MACROD2: variants seen among roughly 807,000 people sequenced by gnomAD.
MACROD2 encodes ADP-ribose glycohydrolase MACROD2.
Under a neutral mutation model 70.4 loss-of-function variants are expected in MACROD2, and 36 were observed. The observed-to-expected ratio is 0.51, with a 90% CI of 0.39 to 0.68. MACROD2 has a LOEUF of 0.68. Ranked by LOEUF, MACROD2 falls within the 30% of genes least tolerant of loss-of-function variation. MACROD2 has a pLI of 0.00. For missense variants in MACROD2, 496 were observed against 538.4 expected (o/e 0.92, Z 0.78); for synonymous variants, 172 against 178.8 (o/e 0.96, Z 0.30).
chr20:15,859,607 A>G (rs1018689166), intron 8 of MACROD2, among the ~76,000 whole-genome samples: 5 of 152,210 alleles, frequency 3.3e-5, no homozygotes, highest in African/African-American at 1.2e-4. Context: ...ATACACATAT[A>G]CATACATAAT....
chr20:14,365,426 A>G (rs985353037), intron 3 of MACROD2, among the ~76,000 whole-genome samples: 1 of 151,498 alleles, frequency 6.6e-6, no homozygotes, highest in Non-Finnish European at 1.5e-5. Flanking sequence ...ATGTTCATGT[A>G]TAATAGTGTT....
intron 3 of MACROD2, among the ~76,000 whole-genome samples, chr20:14,276,412 G>A (rs1387732152): frequency 1.4e-5 from 2 of 141,656 alleles, no homozygotes; most frequent in Admixed American, 7.3e-5. Context: ...TCACTCATAG[G>A]TGGGAATTGA....
At chr20:14,641,872 T>C (rs1394461950) in intron 4 of MACROD2, among the ~76,000 whole-genome samples, 1 of 152,180 alleles carries the variant, frequency 6.6e-6, no homozygotes, top group East Asian at 1.9e-4. Flanking sequence ...TTTGGAATGC[T>C]CAGTGGGCAC....
At chr20:14,157,731 A>T (rs1043389265) in intron 3 of MACROD2, among the ~76,000 whole-genome samples, 1 of 152,146 alleles carries the variant, frequency 6.6e-6, no homozygotes, top group Non-Finnish European at 1.5e-5. Flanking sequence ...CCTCCTCTTC[A>T]ATCCATGTTG....
intron 5 of MACROD2, among the ~76,000 whole-genome samples, chr20:15,069,217 A>G (rs1179851550): frequency 6.6e-6 from 1 of 152,236 alleles, no homozygotes; most frequent in Non-Finnish European, 1.5e-5. Context: ...AAGATGTGGC[A>G]TGGCTGCTTC....
intron 5 of MACROD2, among the ~76,000 whole-genome samples, chr20:15,199,246 C>G (rs1173633626): frequency 6.6e-6 from 1 of 151,990 alleles, no homozygotes; most frequent in Non-Finnish European, 1.5e-5. Flanking sequence ...GTCCCAGCTA[C>G]TTGGGGGACT....
At chr20:15,868,224 G>C (rs2064521066) in intron 9 of MACROD2, among the ~76,000 whole-genome samples, 1 of 152,106 alleles carries the variant, frequency 6.6e-6, no homozygotes. Context: ...AGCTGGATTT[G>C]GAACATGTAC....
chr20:14,693,837 G>A (rs1013476456), intron 5 of MACROD2, among the ~76,000 whole-genome samples: 1 of 152,006 alleles, frequency 6.6e-6, no homozygotes, highest in African/African-American at 2.4e-5. Context: ...TCACTCTGGA[G>A]AGTCTGTTAA....
intron 5 of MACROD2, among the ~76,000 whole-genome samples, chr20:14,692,722 C>A (rs1161171430): frequency 6.6e-6 from 1 of 152,162 alleles, no homozygotes; most frequent in Non-Finnish European, 1.5e-5. Context: ...TATCCCATCA[C>A]CAAACATACT....
intron 3 of MACROD2, among the ~76,000 whole-genome samples, chr20:14,096,956 G>A (rs891103024): frequency 1.3e-5 from 2 of 152,120 alleles, no homozygotes. Context: ...TTCTTTCTCT[G>A]TAATATGGTT....
chr20:15,503,857 AAAAC>A (rs1404077247), intron 8 of MACROD2, among the ~76,000 whole-genome samples: 6 of 152,178 alleles, frequency 3.9e-5, no homozygotes, highest in African/African-American at 7.2e-5. Context: ...TTTCCTTTAA[AAAAC>A]AAAAAAGAGG....
At chr20:15,841,234 C>T (rs533892695) in intron 8 of MACROD2, among the ~76,000 whole-genome samples, 18 of 152,190 alleles carry the variant, frequency 1.2e-4, no homozygotes, top group African/African-American at 4.1e-4. Context: ...AGGGCCGTGG[C>T]CAAGGAAATA....
At position 14,212,877 on chromosome 20, in the gene MACROD2, A is replaced by G. The variant is rs2081581931; in HGVS notation, c.271+127149A>G. ...GGTTTGTTCCTGGGGCTGATCCATG[A>G]CTGCAGCTGTGTGACTGCTGTTGTG... is the stretch of plus-strand genomic sequence containing the variant. On this transcript the variant is annotated intron_variant, in intron 3 of 17. Coordinates refer to ENST00000684519, the MANE Select transcript of MACROD2 (RefSeq NM_001351661.2). Among the ~76,000 whole-genome samples, 3 of 151,948 alleles carry G rather than the reference A, an allele frequency of 2.0e-5. No individual in the cohort carries two copies. The South Asian group carries it at 6.2e-4, about 32-fold the overall frequency.
At chr20:14,844,563 T>C (rs1220226938) in intron 5 of MACROD2, among the ~76,000 whole-genome samples, 1 of 151,942 alleles carries the variant, frequency 6.6e-6, no homozygotes, top group Non-Finnish European at 1.5e-5. Flanking sequence ...AGGGCATCTC[T>C]TCATAACACT....
intron 4 of MACROD2, among the ~76,000 whole-genome samples, chr20:14,543,972 T>G (rs1479159564): frequency 6.6e-6 from 1 of 152,188 alleles, no homozygotes; most frequent in Admixed American, 6.5e-5. Flanking sequence ...TCAACTAATA[T>G]TCACTAAATG....
chr20:14,189,104 A>G (rs934645527), intron 3 of MACROD2, among the ~76,000 whole-genome samples: 1 of 152,082 alleles, frequency 6.6e-6, no homozygotes, highest in African/African-American at 2.4e-5. Context: ...GTGATGCTAC[A>G]TTGACATCTT....
chr20:14,114,512 A>G (rs748163163), intron 3 of MACROD2, among the ~76,000 whole-genome samples: 62 of 152,130 alleles, frequency 4.1e-4, no homozygotes, highest in Admixed American at 3.7e-3. Context: ...CATCTTCTCT[A>G]GGCATCTGTA....
At chr20:14,409,889 G>A (rs1329054729) in intron 3 of MACROD2, among the ~76,000 whole-genome samples, 2 of 152,134 alleles carry the variant, frequency 1.3e-5, no homozygotes, top group Non-Finnish European at 2.9e-5. Flanking sequence ...GAAGAAACAT[G>A]AAAGTATAGC....
chr20:14,288,893 T>C (rs2122437575), intron 3 of MACROD2, among the ~76,000 whole-genome samples: 1 of 152,328 alleles, frequency 6.6e-6, no homozygotes, highest in East Asian at 1.9e-4. Flanking sequence ...ATATTTTCCA[T>C]GCCAGCCGCC....
Sources: gnomAD v4.1 joint callset for allele counts (sites outside exome capture counted in the v4.1 genomes callset) on GRCh38, gnomAD v4.1.1 for gene constraint, MANE v1.5 for transcripts, NCBI Gene and HGNC (gene_info 2026-07-23, HGNC 2026-07-21) for gene names.